The following ADTRP variants were observed in gnomAD, a reference collection of about 807,000 sequenced individuals.
ADTRP encodes androgen-dependent TFPI-regulating protein.
In ADTRP, 20 loss-of-function variants were observed where a neutral mutation model predicts 27.0. That is an observed-to-expected ratio of 0.74 (90% CI 0.52 to 1.08). The LOEUF (loss-of-function observed/expected upper bound fraction) is 1.08, where lower values mean the gene tolerates loss of function less well. Among genes scored for constraint, ADTRP ranks in the 50% least tolerant of loss-of-function variants. The probability of loss-of-function intolerance (pLI) is 0.00; values close to 1 mark genes in which losing one functional copy is unlikely to be tolerated. For synonymous variants in ADTRP, 101 were observed against 105.2 expected (o/e 0.96, Z 0.25); for missense variants, 251 against 275.0 (o/e 0.91, Z 0.62).
chr6:11,753,308 G>T (rs1192969538), intron 3 of ADTRP, among the ~76,000 whole-genome samples: 3 of 152,156 alleles, frequency 2.0e-5, no homozygotes, highest in African/African-American at 7.2e-5. Context: ...AGGGGCATTT[G>T]TGAATAGATT....
chr6:11,716,010 G>A (rs1224863836), intron 5 of ADTRP, among the ~76,000 whole-genome samples: 1 of 151,650 alleles, frequency 6.6e-6, no homozygotes, highest in African/African-American at 2.4e-5. Context: ...CTCCTCCCTA[G>A]TTAGGGCTTC....
chr6:11,750,599 C>T (rs951300793), intron 3 of ADTRP, among the ~76,000 whole-genome samples: 2 of 152,194 alleles, frequency 1.3e-5, no homozygotes, highest in African/African-American at 4.8e-5. Flanking sequence ...AGAAACCCTA[C>T]GGGCCTCTCC....
chr6:11,745,857 C>T (rs1762850589), intron 3 of ADTRP, among the ~76,000 whole-genome samples: 1 of 152,006 alleles, frequency 6.6e-6, no homozygotes, highest in African/African-American at 2.4e-5. Flanking sequence ...GTGACATGAT[C>T]TCGGCTCACT....
chr6:11,762,728 G>T (rs2235396), intron 3 of ADTRP, among the ~76,000 whole-genome samples: 6 of 152,008 alleles, frequency 3.9e-5, no homozygotes, highest in Non-Finnish European at 8.8e-5. Flanking sequence ...TTGCACACAC[G>T]TTCTCAATAA....
At chr6:11,762,361 G>A (rs1417444465) in intron 3 of ADTRP, among the ~76,000 whole-genome samples, 1 of 152,182 alleles carries the variant, frequency 6.6e-6, no homozygotes, top group East Asian at 1.9e-4. Context: ...AACTTCGTGT[G>A]TGTACATTAG....
chr6:11,726,140 G>T (rs1762189099), intron 4 of ADTRP, among the ~76,000 whole-genome samples: 1 of 152,142 alleles, frequency 6.6e-6, no homozygotes, highest in Non-Finnish European at 1.5e-5. Flanking sequence ...AGTCGTAAAA[G>T]GACAAATACT....
chr6:11,774,315 T>TAAATAAATAAATAAATAAAA (rs1224986361), intron 1 of ADTRP, among the ~76,000 whole-genome samples: 11 of 151,038 alleles, frequency 7.3e-5, no homozygotes, highest in Non-Finnish European at 1.3e-4. Flanking sequence ...ATCTCAAAAA[T>TAAATAAATAAATAAATAAAA]AAATAAATAA....
intron 1 of ADTRP, among the ~76,000 whole-genome samples, chr6:11,777,583 C>T (rs1471568108): frequency 2.0e-5 from 3 of 152,126 alleles, no homozygotes; most frequent in East Asian, 3.8e-4. Flanking sequence ...ATGATTGAAA[C>T]AAGTAGTCAC....
intron 3 of ADTRP, chr6:11,755,087 T>C: frequency 1.0e-6 from 1 of 985,434 alleles, no homozygotes; most frequent in Non-Finnish European, 1.2e-6. Context: ...GTGTTACACA[T>C]GGTTGCCAAG....
chr6:11,754,249 T>C (rs773497961), intron 3 of ADTRP, among the ~76,000 whole-genome samples: 45 of 152,214 alleles, frequency 3.0e-4, no homozygotes, highest in Non-Finnish European at 6.0e-4. Context: ...CACCCCTCTT[T>C]AGTTTTACCC....
chr6:11,773,060 T>G (rs892113325), intron 1 of ADTRP, among the ~76,000 whole-genome samples: 4 of 152,228 alleles, frequency 2.6e-5, no homozygotes, highest in Admixed American at 1.3e-4. Flanking sequence ...GCCTCATGCC[T>G]GTTAGAACCA....
Position 11,765,319 on chromosome 6 carries a change from G to GTTTTTTTTTTTTTTTTTTTTTTTTTTT in ADTRP, c.390+954_390+955insAAAAAAAAAAAAAAAAAAAAAAAAAAA, listed in dbSNP as rs770169717. Among the ~76,000 whole-genome samples, 5 of 112,526 alleles carry GTTTTTTTTTTTTTTTTTTTTTTTTTTT rather than the reference G, an allele frequency of 4.4e-5. 1 individual carries two copies. The highest frequency in any genetic ancestry group is 6.5e-5 in the African/African-American group (2 of 30,768). 73.8% of individuals were successfully genotyped at this position (112,526 alleles called of 152,430 possible). On this transcript the variant is annotated intron_variant, in intron 3 of 5. Transcript: ENST00000414691. Reference sequence around the variant, plus strand: ...GCCACTTCCTTGTGCCTTTCCCCTGGTTTGTTTTTTTTTTTTTTTTTTTTT... The same window carrying GTTTTTTTTTTTTTTTTTTTTTTTTTTT: ...GCCACTTCCTTGTGCCTTTCCCCTGGTTTTTTTTTTTTTTTTTTTTTTTTTTTTTTGTTTTTTTTTTTTTTTTTTTTT...
At position 11,735,669 on chromosome 6, in the gene ADTRP, G is replaced by A. The variant is rs1389369379; in HGVS notation, c.405C>T (p.Phe135=). 7 of 1,612,934 alleles carry A rather than the reference G, an allele frequency of 4.3e-6. No homozygotes were observed. In the Admixed American group the frequency reaches 6.7e-5, roughly 15 times the overall value. Residue 135 remains phenylalanine, a synonymous_variant, in exon 4 of 6, where the codon TTC becomes TTT. Coordinates refer to ENST00000414691, the MANE Select transcript of ADTRP (RefSeq NM_032744.4). The stretch of plus-strand genomic sequence containing the variant: ...GGACGACTTCAGCCAATGTGATGGG[G>A]AATATGAAAGTGTGCTGCAGGAGAG... ...WLNHAMHTFI[F]PITLAEVVLR...
rs141143968 is a variant in ADTRP, at chr6:11,723,378, A to G, written c.629T>C (p.Leu210Pro). The part of the protein sequence containing the change: ...SYVFIASIYL[L>P]GEKLNHWKWG... ...TTTCCAGTGGTTGAGCTTCTCTCCA[A>G]GTAGGTAGATGCTGGCGATGAAGAC... The change falls in exon 5 of 6, where the codon CTT becomes CCT. Residue 210 changes from leucine to proline, a missense_variant. Transcript: ENST00000414691. The G allele has an allele frequency of 8.7e-6, 14 of 1,614,036 alleles. No homozygotes were observed. The highest frequency in any genetic ancestry group is 8.0e-5 in the African/African-American group (6 of 74,908).
chr6:11,745,032 C>T (rs1762824549), intron 3 of ADTRP, among the ~76,000 whole-genome samples: 1 of 152,184 alleles, frequency 6.6e-6, no homozygotes, highest in Non-Finnish European at 1.5e-5. Flanking sequence ...ACACTTTCTC[C>T]TTCCTGCCTC....
chr6:11,728,842 G>A (rs1336169256), intron 4 of ADTRP, among the ~76,000 whole-genome samples: 1 of 152,098 alleles, frequency 6.6e-6, no homozygotes, highest in African/African-American at 2.4e-5. Context: ...GACCACCACA[G>A]GCTCTGGAAA....
chr6:11,768,331 CT>C lies in ADTRP; in HGVS notation c.205del (p.Arg69GlufsTer11). On this transcript the variant is annotated frameshift_variant, in exon 2 of 6. Coordinates refer to ENST00000414691, the MANE Select transcript of ADTRP (RefSeq NM_032744.4). LOFTEE classifies it high-confidence loss of function. Reference sequence around the variant, plus strand: ...CTTAATGTCTTTTCCCCCTTTGGTTCTTTTCAGCACATCATCCAGGCAGGTG... The same window carrying C: ...CTTAATGTCTTTTCCCCCTTTGGTTCTTTCAGCACATCATCCAGGCAGGTG... ...GVTCLDDVLK[R>X]TKGGKDIKFL... 6.2e-7 allele frequency: 1 copy of C among 1,614,214 alleles called. No individual in the cohort carries two copies. The highest frequency in any genetic ancestry group is 8.5e-7 in the Non-Finnish European group (1 of 1,180,038).
intron 3 of ADTRP, among the ~76,000 whole-genome samples, chr6:11,737,136 T>C (rs1254972611): frequency 6.6e-6 from 1 of 152,176 alleles, no homozygotes; most frequent in East Asian, 1.9e-4. Context: ...ATGTGTGCCA[T>C]GTGTTTTCAT....
In ADTRP at chr6:11,723,549, A is replaced by C. The variant is rs764193443; in HGVS notation, c.507-49T>G. On this transcript the variant is annotated intron_variant, in intron 4 of 5. Transcript: ENST00000414691. ...TGGTTATAGCAGGAGGAGAAAAACA[A>C]GCCATTTTCTCATCAGGATTAATGA... The C allele has an allele frequency of 5.6e-6, 9 of 1,601,596 alleles. No homozygotes were observed. The South Asian group carries it at 1.0e-4, about 18-fold the overall frequency.
Sources: allele counts gnomAD v4.1 joint callset (sites outside exome capture counted in the v4.1 genomes callset), GRCh38; gene constraint gnomAD v4.1.1; transcripts MANE v1.5; gene names NCBI Gene and HGNC (gene_info 2026-07-23, HGNC 2026-07-21).